Variants in CNMD observed in about 807,000 individuals in gnomAD.
CNMD encodes leukocyte cell-derived chemotaxin 1.
Under a neutral mutation model 37.5 loss-of-function variants are expected in CNMD, and 30 were observed. That is an observed-to-expected ratio of 0.80 (90% CI 0.60 to 1.09). The LOEUF is 1.09. Among genes scored for constraint, CNMD ranks in the 50% least tolerant of loss-of-function variants. The pLI is 0.00. For synonymous variants in CNMD, 167 were observed against 148.2 expected (o/e 1.13, Z -0.92); for missense variants, 398 against 423.9 (o/e 0.94, Z 0.54).
At chr13:52,724,803 C>G (rs971697564) in intron 3 of CNMD, among the ~76,000 whole-genome samples, 1 of 151,398 alleles carries the variant, frequency 6.6e-6, no homozygotes, top group Non-Finnish European at 1.5e-5. Flanking sequence ...AGGCTGAGGC[C>G]GGAGAATCGC....
At chr13:52,728,840 T>G (rs1362568667) in intron 3 of CNMD, among the ~76,000 whole-genome samples, 1 of 152,102 alleles carries the variant, frequency 6.6e-6, no homozygotes, top group East Asian at 1.9e-4. Context: ...GAAACCCCCA[T>G]GGGGTAGGAA....
rs114088201 is a variant in CNMD at position 52,712,214 on chromosome 13, C to G, written c.622+502G>C. Among the ~76,000 whole-genome samples the G allele has an allele frequency of 4.4e-3, 677 of 152,258 alleles. 6 individuals carry two copies. Among genetic ancestry groups the G allele is most frequent in the African/African-American group, 0.015 (639 of 41,558 alleles). The stretch of plus-strand genomic sequence containing the variant: ...AGCTGTGAACCCCAGGGAGTCTGCA[C>G]TTACTTTCACTGGACTTGGAAGCTA... On this transcript the variant is annotated intron_variant, in intron 5 of 6. Transcript: ENST00000377962.
chr13:52,704,562 G>A (rs746159956), intron 6 of CNMD, among the ~76,000 whole-genome samples: 4 of 152,018 alleles, frequency 2.6e-5, no homozygotes, highest in African/African-American at 7.2e-5. Context: ...AACCCTGCCC[G>A]GTTTACATAT....
chr13:52,709,537 G>A (rs1211177040), intron 5 of CNMD, among the ~76,000 whole-genome samples: 1 of 152,150 alleles, frequency 6.6e-6, no homozygotes, highest in Non-Finnish European at 1.5e-5. Flanking sequence ...TTATATATGA[G>A]GGCATCAAGC....
chr13:52,720,651 T>C (rs1337573459), intron 4 of CNMD, among the ~76,000 whole-genome samples: 2 of 152,118 alleles, frequency 1.3e-5, no homozygotes, highest in Non-Finnish European at 1.5e-5. Context: ...ACAGCAAAAA[T>C]TGCTGTCTGT....
chr13:52,711,729 C>T (rs867916986), intron 5 of CNMD, among the ~76,000 whole-genome samples: 21 of 152,232 alleles, frequency 1.4e-4, no homozygotes, highest in South Asian at 2.1e-4. Context: ...ATATACATAA[C>T]GAAATTTACC....
In CNMD at chr13:52,739,162, T is replaced by G; in HGVS notation, c.82A>C (p.Thr28Pro). The G allele has an allele frequency of 6.6e-7, 1 of 1,508,406 alleles. No homozygotes were observed. The highest frequency in any genetic ancestry group is 8.8e-7 in the Non-Finnish European group (1 of 1,135,364). 93.4% of individuals were successfully genotyped at this position (1,508,406 alleles called of 1,614,324 possible). A position where few individuals can be genotyped will look rare whatever the true frequency, so the allele number is the denominator to read the frequency against. The change falls in exon 2 of 7, where the codon ACG becomes CCG. Residue 28 changes from threonine (T) to proline (P), a missense_variant. Coordinates refer to ENST00000377962, the MANE Select transcript of CNMD (RefSeq NM_007015.3). This position sits in a 1 kb window ranked among gnomAD's most constrained non-coding sequence, Gnocchi z 5.4. ...VEFCSPPAYATLTVKPSSPAR... is the reference protein window; with the variant it reads ...VEFCSPPAYAPLTVKPSSPAR... ...GGGCTGGAGGGCTTCACCGTCAGCG[T>G]AGCGTACGCCTGCGGGCCGGGGCGG...
Position 52,739,043 on chromosome 13 carries a change from C to T in CNMD, c.201G>A (p.Gly67=). ...CCTCTGGACTTACGTGACTGTCGCTCCCCTTCCAGAAGTAGAAGGCCCCGA... is the reference window on the plus strand; with the variant it reads ...CCTCTGGACTTACGTGACTGTCGCTTCCCTTCCAGAAGTAGAAGGCCCCGA... ...GAIGAFYFWK[G]SDSHIYNVHY... is the part of the protein sequence containing the mutation. Residue 67 remains glycine (G), a synonymous_variant, in exon 2 of 7, where the codon GGG becomes GGA. Coordinates refer to ENST00000377962, the MANE Select transcript of CNMD (RefSeq NM_007015.3). The surrounding 1 kb of genome is among the most constrained non-coding windows in gnomAD (Gnocchi z 5.4). 1.3e-6 allele frequency: 2 copies of T among 1,579,588 alleles called. No individual in the cohort carries two copies. The highest frequency in any genetic ancestry group is 8.6e-7 in the Non-Finnish European group (1 of 1,166,252).
intron 4 of CNMD, among the ~76,000 whole-genome samples, chr13:52,719,651 G>A (rs1405763998): frequency 1.3e-5 from 2 of 152,124 alleles, no homozygotes; most frequent in Admixed American, 1.3e-4. Context: ...TTGAATATTG[G>A]CCCCCACTCT....
chr13:52,726,963 C>G (rs944232584), intron 3 of CNMD, among the ~76,000 whole-genome samples: 1 of 152,096 alleles, frequency 6.6e-6, no homozygotes, highest in African/African-American at 2.4e-5. Context: ...ACAATATACA[C>G]TTAAAAGATT....
intron 6 of CNMD, among the ~76,000 whole-genome samples, chr13:52,708,205 G>A (rs1964223206): frequency 6.6e-6 from 1 of 150,938 alleles, no homozygotes; most frequent in Non-Finnish European, 1.5e-5. Flanking sequence ...TTTTTGAGAC[G>A]GAGTCTCGCC....
intron 2 of CNMD, 64 bp downstream of exon 2, chr13:52,738,967 C>T (rs1007483001): frequency 7.2e-7 from 1 of 1,387,200 alleles, no homozygotes; most frequent in African/African-American, 1.5e-5. Context: ...GGCCCGCGCT[C>T]GGGCTCCCCC....
In CNMD at chr13:52,708,595, CATT is replaced by C. The variant is rs1451736926; in HGVS notation, c.727_729del (p.Asn243del). On this transcript the variant is annotated inframe_deletion, in exon 6 of 7. Transcript: ENST00000377962. ...TCCTCTTGAACACTGGGTCTGGTTT[CATT>C]ATTCAGTCTTCCAGCGCCTGGGTTG... 2.7e-5 allele frequency: 43 copies of C among 1,614,094 alleles called. No individual in the cohort carries two copies. Among genetic ancestry groups the C allele is most frequent in the Non-Finnish European group, 3.6e-5 (42 of 1,179,982 alleles).
intron 5 of CNMD, among the ~76,000 whole-genome samples, chr13:52,710,098 G>A (rs1182742508): frequency 6.6e-6 from 1 of 152,226 alleles, no homozygotes; most frequent in Non-Finnish European, 1.5e-5. Flanking sequence ...ATGAGAATCT[G>A]TCTAAAGGTT....
chr13:52,712,673 A>C, intron 5 of CNMD, 43 bp downstream of exon 5: 1 of 1,371,590 alleles, frequency 7.3e-7, no homozygotes, highest in Non-Finnish European at 9.6e-7. Flanking sequence ...ACATGCATGA[A>C]CAGGGAAAGT....
rs539339747 is a variant in CNMD at position 52,720,770 on chromosome 13, C to T, written c.468+3227G>A. ...TGCTGGGAGGTGTCTCCCAGTCAGGCACAGGGGGGTCAGGGACTCACTTGA... is the reference window on the plus strand; with the variant it reads ...TGCTGGGAGGTGTCTCCCAGTCAGGTACAGGGGGGTCAGGGACTCACTTGA... On this transcript the variant is annotated intron_variant, in intron 4 of 6. Transcript: ENST00000377962. Among the ~76,000 whole-genome samples the T allele has an allele frequency of 1.1e-4, 17 of 152,286 alleles. No homozygotes were observed. In the South Asian group the frequency reaches 3.5e-3, roughly 32 times the overall value.
chr13:52,725,356 C>T (rs934548837), intron 3 of CNMD, among the ~76,000 whole-genome samples: 1 of 152,106 alleles, frequency 6.6e-6, no homozygotes, highest in Non-Finnish European at 1.5e-5. Flanking sequence ...TTACTGAGCC[C>T]AGAGTAAACA....
chr13:52,706,453 A>G (rs4284531), intron 6 of CNMD, among the ~76,000 whole-genome samples: 38,383 of 152,116 alleles, frequency 0.25, 6,004 homozygotes, highest in Middle Eastern at 0.37. Flanking sequence ...CCCTGTGCTA[A>G]AAGAGCTCCA....
At position 52,739,737 on chromosome 13, in the gene CNMD, C is replaced by T. The variant is rs1449078577; in HGVS notation, c.-36G>A. 2 of 1,559,262 alleles carry T rather than the reference C, an allele frequency of 1.3e-6. No homozygotes were observed. The highest frequency in any genetic ancestry group is 2.2e-5 in the East Asian group (1 of 44,548). On this transcript the variant is annotated 5_prime_UTR_variant, in exon 1 of 7. Transcript: ENST00000377962. This position sits in a 1 kb window ranked among gnomAD's most constrained non-coding sequence, Gnocchi z 5.4. ...GGAGGAGTGAGGCACTTGGAGACTC[C>T]CTGGGCACCCTGGGATCTGTCCCGC...
Sources: gnomAD v4.1 joint callset for allele counts (sites outside exome capture counted in the v4.1 genomes callset) on GRCh38, gnomAD v4.1.1 for gene constraint, Gnocchi (gnomAD v3.1) non-coding constraint, MANE v1.5 for transcripts, NCBI Gene and HGNC (gene_info 2026-07-23, HGNC 2026-07-21) for gene names.